The following FUT8 variants were observed in gnomAD, a reference collection of about 807,000 sequenced individuals.
FUT8 encodes fucosyltransferase 8, also known as alpha-(1,6)-fucosyltransferase.
FUT8 carries 29 observed loss-of-function variants against 71.3 expected under a neutral mutation model. The ratio of observed to expected loss-of-function variants is 0.41; its 90% CI spans 0.30 to 0.55. FUT8 has a LOEUF of 0.55. Ranked by LOEUF, FUT8 falls within the 20% of genes least tolerant of loss-of-function variation. FUT8 has a pLI of 0.34. For synonymous variants in FUT8, 254 were observed against 239.3 expected (o/e 1.06, Z -0.57); for missense variants, 544 against 702.1 (o/e 0.77, Z 2.55).
chr14:65,487,456 G>A (rs1309677068), intron 2 of FUT8, among the ~76,000 whole-genome samples: 4 of 151,668 alleles, frequency 2.6e-5, no homozygotes, highest in Non-Finnish European at 4.4e-5. Context: ...CAAGCTACTC[G>A]GGAGGCTGAG....
At chr14:65,719,227 G>A (rs957141730) in intron 7 of FUT8, among the ~76,000 whole-genome samples, 1 of 151,648 alleles carries the variant, frequency 6.6e-6, no homozygotes, top group African/African-American at 2.4e-5. Context: ...TCTTTCTTCT[G>A]CTTGATGACT....
At chr14:65,403,402 G>A in the FUT8 span, among the ~76,000 whole-genome samples, 1 of 152,168 alleles carries the variant, frequency 6.6e-6, no homozygotes, top group South Asian at 2.1e-4. Context: ...TTGTTCCCAT[G>A]GAAACTAGAA....
the FUT8 span, among the ~76,000 whole-genome samples, chr14:65,371,051 A>G: frequency 6.6e-6 from 1 of 152,232 alleles, no homozygotes; most frequent in Non-Finnish European, 1.5e-5. Flanking sequence ...CTCTGGGCCA[A>G]TAAGAGTTTC....
intron 1 of FUT8, among the ~76,000 whole-genome samples, chr14:65,454,809 A>G (rs538544759): frequency 8.5e-5 from 13 of 152,318 alleles, no homozygotes; most frequent in Non-Finnish European, 1.2e-4. Context: ...AATCTTTATT[A>G]AGGCCATTTC....
At chr14:65,481,496 C>T (rs574866605) in intron 2 of FUT8, among the ~76,000 whole-genome samples, 100 of 151,842 alleles carry the variant, frequency 6.6e-4, no homozygotes, top group Non-Finnish European at 1.2e-3. Flanking sequence ...ATAAAAAATA[C>T]TGCACACATC....
intron 7 of FUT8, among the ~76,000 whole-genome samples, chr14:65,695,286 T>C (rs1893936078): frequency 6.6e-6 from 1 of 152,212 alleles, no homozygotes; most frequent in Admixed American, 6.5e-5. Flanking sequence ...AGTGAATTTG[T>C]ATATTCTCAT....
intron 2 of FUT8, among the ~76,000 whole-genome samples, chr14:65,494,380 C>T (rs1167013437): frequency 6.6e-6 from 1 of 152,066 alleles, no homozygotes; most frequent in Non-Finnish European, 1.5e-5. Flanking sequence ...CTACTGAATA[C>T]CTTACCAGAC....
intron 2 of FUT8, among the ~76,000 whole-genome samples, chr14:65,488,069 A>C (rs886465651): frequency 6.6e-6 from 1 of 151,774 alleles, no homozygotes; most frequent in African/African-American, 2.4e-5. Context: ...CAGTCCTCCC[A>C]CCTCTGCCTC....
chr14:65,670,035 A>G (rs748481273), intron 7 of FUT8, among the ~76,000 whole-genome samples: 2 of 152,156 alleles, frequency 1.3e-5, no homozygotes, highest in African/African-American at 2.4e-5. Context: ...AATGAAGCCT[A>G]ATTTGTTTAT....
chr14:65,739,132 G>T (rs1896369971), intron 10 of FUT8, among the ~76,000 whole-genome samples: 1 of 151,942 alleles, frequency 6.6e-6, no homozygotes, highest in African/African-American at 2.4e-5. Flanking sequence ...TCACAGGTTT[G>T]TCATAATAGT....
At chr14:65,742,015 C>T in intron 10 of FUT8, 78 bp from the exon 11 acceptor site, 1 of 1,224,354 alleles carries the variant, frequency 8.2e-7, no homozygotes, top group Non-Finnish European at 1.2e-6. Context: ...AGAGCCCATC[C>T]TTTTGGCCAA....
At chr14:65,634,637 G>A (rs1406789706) in intron 6 of FUT8, among the ~76,000 whole-genome samples, 1 of 151,040 alleles carries the variant, frequency 6.6e-6, no homozygotes, top group East Asian at 1.9e-4. Flanking sequence ...TTGGCTGTAA[G>A]TTTTTGGCTG....
intron 10 of FUT8, among the ~76,000 whole-genome samples, chr14:65,739,204 C>T (rs1281803856): frequency 1.3e-5 from 2 of 151,874 alleles, no homozygotes; most frequent in Admixed American, 6.6e-5. Context: ...GGGACATAAT[C>T]GGTGCTCATT....
chr14:65,398,062 G>C, the FUT8 span, among the ~76,000 whole-genome samples: 1 of 152,178 alleles, frequency 6.6e-6, no homozygotes, highest in African/African-American at 2.4e-5. Context: ...ACACATCACT[G>C]TAGAGATTTA....
chr14:65,588,679 T>C (rs1887521953), intron 3 of FUT8, among the ~76,000 whole-genome samples: 1 of 151,372 alleles, frequency 6.6e-6, no homozygotes, highest in Non-Finnish European at 1.5e-5. Context: ...GCAGTTTCAG[T>C]ATACACAGTC....
rs1486362874 is a variant in FUT8, at chr14:65,638,952, A to G, written c.597+9346A>G. Among the ~76,000 whole-genome samples the G allele has an allele frequency of 6.6e-6, 1 of 152,244 alleles. No homozygotes were observed. Among genetic ancestry groups the G allele is most frequent in the African/African-American group, 2.4e-5 (1 of 41,466 alleles). ...TTAAAATATTTGCTAAATATTTAATACAACTGGGATGGGCAGAAACCTTCA... is the reference window on the plus strand; with the variant it reads ...TTAAAATATTTGCTAAATATTTAATGCAACTGGGATGGGCAGAAACCTTCA... On this transcript the variant is annotated intron_variant, in intron 6 of 10. Transcript: ENST00000673929. This position sits in a 1 kb window ranked among gnomAD's most constrained non-coding sequence, Gnocchi z 4.5.
rs1892370397 is a variant in FUT8, at chr14:65,669,420, T to C, written c.775T>C (p.Phe259Leu). The C allele has an allele frequency of 1.2e-6, 2 of 1,613,744 alleles. No individual in the cohort carries two copies. The highest frequency in any genetic ancestry group is 1.7e-6 in the Non-Finnish European group (2 of 1,179,774). Reference sequence around the variant, plus strand: ...TGCTACTGGTGGATGGGAGACTGTATTTAGGCCTGTAAGTGAGACATGCAC... The same window carrying C: ...TGCTACTGGTGGATGGGAGACTGTACTTAGGCCTGTAAGTGAGACATGCAC... The part of the protein sequence containing the change: ...RYATGGWETV[F>L]RPVSETCTDR... The change falls in exon 7 of 11, where the codon TTT becomes CTT. Residue 259 changes from phenylalanine to leucine, a missense_variant. Physicochemically the swap from Phe to Leu is conservative, Grantham distance 22. Coordinates refer to ENST00000673929, the MANE Select transcript of FUT8 (RefSeq NM_001371533.1). The surrounding 1 kb of genome is among the most constrained non-coding windows in gnomAD (Gnocchi z 4.5).
At chr14:65,443,681 C>T (rs970162463) in intron 1 of FUT8, among the ~76,000 whole-genome samples, 2 of 150,436 alleles carry the variant, frequency 1.3e-5, no homozygotes, top group African/African-American at 2.5e-5. Flanking sequence ...GATTGTGCCA[C>T]TGCTCTCCAG....
At chr14:65,553,189 T>C in intron 2 of FUT8, among the ~76,000 whole-genome samples, 1 of 152,282 alleles carries the variant, frequency 6.6e-6, no homozygotes. Flanking sequence ...TTAATTCTAA[T>C]TTAAATAGTT....
Sources: allele counts gnomAD v4.1 joint callset (sites outside exome capture counted in the v4.1 genomes callset), GRCh38; gene constraint gnomAD v4.1.1; non-coding constraint Gnocchi (gnomAD v3.1); transcripts MANE v1.5; gene names NCBI Gene and HGNC (gene_info 2026-07-23, HGNC 2026-07-21).